SGCD: variants seen among roughly 807,000 people sequenced by gnomAD.
The protein encoded by SGCD is sarcoglycan delta.
A neutral mutation model predicts 36.6 loss-of-function variants in SGCD; 18 were observed. That is an observed-to-expected ratio of 0.49 (90% CI 0.34 to 0.73). The LOEUF (loss-of-function observed/expected upper bound fraction) is 0.73. Ranked by LOEUF, SGCD falls within the 30% of genes least tolerant of loss-of-function variation. The pLI, the probability that SGCD is intolerant of heterozygous loss-of-function variation, is 0.01. For missense variants in SGCD, 387 were observed against 346.7 expected, an observed-to-expected ratio of 1.12 and a Z score of -0.92; for synonymous variants, 133 against 130.6, an observed-to-expected ratio of 1.02 and a Z score of -0.12.
At chr5:156,461,179 T>G (rs1465510670) in intron 3 of SGCD, among the ~76,000 whole-genome samples, 1 of 152,180 alleles carries the variant, frequency 6.6e-6, no homozygotes, top group African/African-American at 2.4e-5. Flanking sequence ...CTTTGTAATG[T>G]CAATTCTAAA....
chr5:156,000,555 A>G (rs1219134683), intron 1 of SGCD, among the ~76,000 whole-genome samples: 1 of 152,072 alleles, frequency 6.6e-6, no homozygotes, highest in Non-Finnish European at 1.5e-5. Context: ...ATCCAAGAAA[A>G]TATCCCCATT....
At chr5:155,823,780 G>T in the SGCD span, among the ~76,000 whole-genome samples, 5 of 152,184 alleles carry the variant, frequency 3.3e-5, no homozygotes, top group Non-Finnish European at 1.5e-5. Flanking sequence ...GTTAGACAAA[G>T]CATTGCCTGG....
At chr5:156,432,005 C>T (rs561046742) in intron 3 of SGCD, among the ~76,000 whole-genome samples, 15 of 152,148 alleles carry the variant, frequency 9.9e-5, no homozygotes, top group Admixed American at 3.9e-4. Flanking sequence ...CGTGAGCCAC[C>T]GCACCCAGCC....
Position 156,347,139 on chromosome 5 carries a change from G to A in SGCD, c.192+2462G>A, listed in dbSNP as rs377118514. Among the ~76,000 whole-genome samples, 3 of 152,108 alleles carry A rather than the reference G, an allele frequency of 2.0e-5. No homozygotes were observed. The South Asian group carries it at 6.2e-4, about 32-fold the overall frequency. On this transcript the variant is annotated intron_variant, in intron 3 of 8. Transcript: ENST00000337851. ...AAAGACAAGCAGAATTCAGAGAAAT[G>A]TTTAATCAGGAGAGCAAGATATAAT... is the stretch of plus-strand genomic sequence containing the variant.
intron 3 of SGCD, among the ~76,000 whole-genome samples, chr5:156,491,473 A>G (rs893596209): frequency 4.6e-5 from 7 of 152,174 alleles, no homozygotes; most frequent in Non-Finnish European, 1.0e-4. Context: ...ATAGCATGAC[A>G]TTCTTATAAA....
chr5:156,090,866 G>A (rs116478477), intron 1 of SGCD, among the ~76,000 whole-genome samples: 6,087 of 152,214 alleles, frequency 0.04, 195 homozygotes, highest in African/African-American at 0.09. Context: ...CTACTCACAC[G>A]TCTGTTTATA....
chr5:156,183,045 C>T (rs994869539), intron 3 of SGCD, among the ~76,000 whole-genome samples: 4 of 151,976 alleles, frequency 2.6e-5, no homozygotes, highest in Non-Finnish European at 4.4e-5. Context: ...ATTGGGAGGC[C>T]GAGGTGGGTG....
chr5:156,679,445 G>C (rs529529008), intron 7 of SGCD, among the ~76,000 whole-genome samples: 57 of 152,276 alleles, frequency 3.7e-4, no homozygotes, highest in Non-Finnish European at 6.2e-4. Flanking sequence ...GCCATACCTA[G>C]AATTTGAATT....
chr5:156,749,823 T>C (rs1178061270), intron 7 of SGCD, among the ~76,000 whole-genome samples: 2 of 152,176 alleles, frequency 1.3e-5, no homozygotes, highest in Non-Finnish European at 2.9e-5. Flanking sequence ...TTTATCAATG[T>C]GTTTAAACAT....
At chr5:155,945,521 G>T (rs1219150412) in intron 1 of SGCD, among the ~76,000 whole-genome samples, 2 of 152,176 alleles carry the variant, frequency 1.3e-5, no homozygotes, top group Non-Finnish European at 2.9e-5. Flanking sequence ...GTTCTGGAAG[G>T]CAAAAGCCTG....
intron 3 of SGCD, among the ~76,000 whole-genome samples, chr5:156,384,569 A>G (rs369340843): frequency 1.3e-5 from 2 of 152,330 alleles, no homozygotes; most frequent in South Asian, 4.1e-4. Context: ...GAATAATCGA[A>G]TAAATGCACA....
chr5:156,261,589 CT>C (rs1174703469), intron 3 of SGCD, among the ~76,000 whole-genome samples: 20 of 152,146 alleles, frequency 1.3e-4, no homozygotes, highest in African/African-American at 4.3e-4. Flanking sequence ...ATACTATATA[CT>C]TTTTATCATT....
At chr5:156,687,368 C>T (rs902623952) in intron 7 of SGCD, among the ~76,000 whole-genome samples, 1 of 152,204 alleles carries the variant, frequency 6.6e-6, no homozygotes, top group African/African-American at 2.4e-5. Context: ...TTCCTTGCTT[C>T]CCATCTTTTC....
intron 3 of SGCD, among the ~76,000 whole-genome samples, chr5:156,459,641 A>C (rs1254130829): frequency 1.3e-5 from 2 of 152,176 alleles, no homozygotes; most frequent in African/African-American, 4.8e-5. Context: ...GTGCTTGATG[A>C]TTTAAAGAAG....
At chr5:155,828,523 C>A in the SGCD span, among the ~76,000 whole-genome samples, 104 of 152,202 alleles carry the variant, frequency 6.8e-4, no homozygotes, top group African/African-American at 2.3e-3. Flanking sequence ...AACAAAATAT[C>A]TATGGTAGAT....
intron 6 of SGCD, among the ~76,000 whole-genome samples, chr5:156,633,944 A>C (rs1762730798): frequency 6.6e-6 from 1 of 152,080 alleles, no homozygotes. Flanking sequence ...GTGTGGGCCA[A>C]GGGTACTGTC....
intron 1 of SGCD, among the ~76,000 whole-genome samples, chr5:156,057,166 T>C (rs1234305257): frequency 1.4e-5 from 2 of 146,704 alleles, no homozygotes; most frequent in Non-Finnish European, 3.1e-5. Context: ...TGTAAAATTA[T>C]GTAGAAATAT....
At chr5:156,481,938 G>T (rs111995927) in intron 3 of SGCD, among the ~76,000 whole-genome samples, 88 of 152,216 alleles carry the variant, frequency 5.8e-4, no homozygotes, top group East Asian at 3.7e-3. Flanking sequence ...CTTATGCCAC[G>T]TTCAGGGACA....
At chr5:155,988,893 T>C (rs1485686964) in intron 1 of SGCD, among the ~76,000 whole-genome samples, 2 of 152,194 alleles carry the variant, frequency 1.3e-5, no homozygotes, top group East Asian at 3.9e-4. Context: ...ATAACTATTA[T>C]AGTTTTTGAA....
Sources: gnomAD v4.1 joint callset for allele counts (sites outside exome capture counted in the v4.1 genomes callset) on GRCh38, gnomAD v4.1.1 for gene constraint, MANE v1.5 for transcripts, NCBI Gene and HGNC (gene_info 2026-07-23, HGNC 2026-07-21) for gene names.